The following BIRC6 variants were observed in gnomAD, a reference collection of about 807,000 sequenced individuals.
BIRC6 encodes baculoviral IAP repeat containing 6.
A neutral mutation model predicts 503.3 loss-of-function variants in BIRC6; 98 were observed. The observed-to-expected ratio is 0.19, with a 90% confidence interval of 0.17 to 0.23. The LOEUF (loss-of-function observed/expected upper bound fraction) is 0.23. Ranked by LOEUF, BIRC6 falls within the 10% of genes least tolerant of loss-of-function variation. The pLI, the probability that BIRC6 is intolerant of heterozygous loss-of-function variation, is 1.00. For synonymous variants in BIRC6, 2,240 were observed against 2,078.7 expected (o/e 1.08, Z -2.11); for missense variants, 5,360 against 5,806.0 (o/e 0.92, Z 2.50).
At chr2:32,571,117 A>G (rs2059886215) in intron 65 of BIRC6, among the ~76,000 whole-genome samples, 1 of 151,818 alleles carries the variant, frequency 6.6e-6, no homozygotes, top group Non-Finnish European at 1.5e-5. Flanking sequence ...TTATTGTATT[A>G]TCTTTTTGAT....
chr2:32,473,010 G>T, intron 32 of BIRC6, 102 bp from the exon 33 acceptor site: 1 of 970,446 alleles, frequency 1.0e-6, no homozygotes, highest in South Asian at 1.8e-5. Flanking sequence ...TGCTTTTCAT[G>T]ATTGACACAT....
chr2:32,444,031 G>GTTTTTTTTTTT lies in BIRC6; in HGVS notation c.4336+451_4336+461dup, dbSNP rs776568064. Among the ~76,000 whole-genome samples the GTTTTTTTTTTT allele has an allele frequency of 2.5e-3, 343 of 136,832 alleles. 1 individual carries two copies. Among genetic ancestry groups the GTTTTTTTTTTT allele is most frequent in the Non-Finnish European group, 4.2e-3 (268 of 63,220 alleles). The allele number at this position is 136,832 out of a possible 152,430, so 89.8% of individuals were successfully genotyped here. ...TGGAATTTCCTAAAAGGGACCAGTG[G>GTTTTTTTTTTT]TTTTTTTTTTTTTTTTTTAAAGCAC... On this transcript the variant is annotated intron_variant, in intron 20 of 73. Transcript: ENST00000421745.
chr2:32,582,890 G>C (rs1474197700), intron 66 of BIRC6, among the ~76,000 whole-genome samples: 1 of 152,112 alleles, frequency 6.6e-6, no homozygotes, highest in Admixed American at 6.5e-5. Flanking sequence ...ATATAGTAAT[G>C]TATCAGGTAC....
chr2:32,591,577 T>G (rs952628205), intron 66 of BIRC6, among the ~76,000 whole-genome samples: 2 of 152,210 alleles, frequency 1.3e-5, no homozygotes, highest in Non-Finnish European at 2.9e-5. Flanking sequence ...CTAAAGATTC[T>G]TGTTTCATCA....
rs2061260812 is a variant in BIRC6, at chr2:32,589,308, AATGG to A, written c.13356-4605_13356-4602del. ...CCTAGCTATCTCAAAGTTTCTTCCT[AATGG>A]AAAGTTGTTCATCATAGTTTTAAAT... On this transcript the variant is annotated intron_variant, in intron 66 of 73. Coordinates refer to ENST00000421745, the MANE Select transcript of BIRC6 (RefSeq NM_016252.4). 7.2e-5 allele frequency among the ~76,000 whole-genome samples: 11 copies of A among 152,304 alleles called. 1 individual carries two copies. In the South Asian group the frequency reaches 2.3e-3, roughly 32 times the overall value.
intron 10 of BIRC6, among the ~76,000 whole-genome samples, chr2:32,424,081 A>G (rs1320102776): frequency 6.6e-6 from 1 of 152,214 alleles, no homozygotes; most frequent in South Asian, 2.1e-4. Context: ...TGACTTGGAA[A>G]GAAAAATATT....
chr2:32,612,337 T>C (rs1262214703), intron 73 of BIRC6, among the ~76,000 whole-genome samples: 1 of 152,188 alleles, frequency 6.6e-6, no homozygotes, highest in East Asian at 1.9e-4. Context: ...GTTCATAGAA[T>C]GGAAATGTGA....
Position 32,473,259 on chromosome 2 carries a change from A to T in BIRC6, c.6720+20A>T, listed in dbSNP as rs1329242594. On this transcript the variant is annotated intron_variant, in intron 33 of 73. Coordinates refer to ENST00000421745, the MANE Select transcript of BIRC6 (RefSeq NM_016252.4). ...AAACAGGTAATTGTCAATATATTTAAAAATTTTTAATGTTTGAGAATATTG... is the reference window on the plus strand; with the variant it reads ...AAACAGGTAATTGTCAATATATTTATAAATTTTTAATGTTTGAGAATATTG... 6.6e-7 allele frequency: 1 copy of T among 1,504,058 alleles called. No homozygotes were observed. The highest frequency in any genetic ancestry group is 8.9e-7 in the Non-Finnish European group (1 of 1,121,510). The allele number at this position is 1,504,058 out of a possible 1,614,324, so 93.2% of individuals were successfully genotyped here. A position where few individuals can be genotyped will look rare whatever the true frequency, so the allele number is the denominator to read the frequency against.
In BIRC6 at chr2:32,515,784, AT is replaced by A. The variant is rs766156100; in HGVS notation, c.11349+15del. 2.4e-5 allele frequency: 38 copies of A among 1,575,806 alleles called. No homozygotes were observed. Among genetic ancestry groups the A allele is most frequent in the Middle Eastern group, 1.7e-4 (1 of 5,936 alleles). On this transcript the variant is annotated intron_variant, in intron 55 of 73. Coordinates refer to ENST00000421745, the MANE Select transcript of BIRC6 (RefSeq NM_016252.4). Reference sequence around the variant, plus strand: ...CTGATGGCACAGGTAAGACAAAAAAATAACTTACATTTTAGTTGTTTTATTA... The same window carrying A: ...CTGATGGCACAGGTAAGACAAAAAAAAACTTACATTTTAGTTGTTTTATTA...
At chr2:32,522,829 A>G (rs1466077408) in intron 57 of BIRC6, 1 of 152,108 alleles carries the variant, frequency 6.6e-6, no homozygotes, top group East Asian at 1.9e-4. Context: ...AGTCTTGAAG[A>G]CCCTGTATAG....
Position 32,401,511 on chromosome 2 carries a change from C to A in BIRC6, c.1306C>A (p.Gln436Lys). ...INAYDPAIVQ[Q>K]LILSGDPSSG... ...TGCCTATGATCCAGCAATTGTACAA[C>A]AGCTTATTCTATCAGGAGACCCAAG... Residue 436 changes from glutamine to lysine, a missense_variant, in exon 8 of 74, where the codon CAG (glutamine) becomes AAG (lysine). This residue lies in a region of BIRC6 where 700 missense variants were observed against 739.3 expected (regional missense o/e 0.95). Coordinates refer to ENST00000421745, the MANE Select transcript of BIRC6 (RefSeq NM_016252.4). 6.2e-7 allele frequency: 1 copy of A among 1,613,954 alleles called. No individual in the cohort carries two copies. Among genetic ancestry groups the A allele is most frequent in the Non-Finnish European group, 8.5e-7 (1 of 1,179,876 alleles).
chr2:32,392,211 T>A, intron 5 of BIRC6, 61 bp downstream of exon 5: 1 of 1,175,128 alleles, frequency 8.5e-7, no homozygotes. Flanking sequence ...TCAGCAAAAT[T>A]ATCACATTTT....
chr2:32,568,982 C>CTTT lies in BIRC6; in HGVS notation c.13145-6173_13145-6172insTTT, dbSNP rs199909930. Among the ~76,000 whole-genome samples the CTTT allele has an allele frequency of 3.7e-4, 48 of 131,338 alleles. 11 individuals are homozygous for CTTT. Among genetic ancestry groups the CTTT allele is most frequent in the African/African-American group, 3.1e-4 (11 of 35,078 alleles). The allele number at this position is 131,338 out of a possible 152,430, so 86.2% of individuals were successfully genotyped here. On this transcript the variant is annotated intron_variant, in intron 65 of 73. Coordinates refer to ENST00000421745, the MANE Select transcript of BIRC6 (RefSeq NM_016252.4). Reference sequence around the variant, plus strand: ...TTTTGGAGGAGTCTCCCATGTCTCTCTCTTTTTTTTTTTTTTTTTGAGATG... The same window carrying CTTT: ...TTTTGGAGGAGTCTCCCATGTCTCTCTTTTCTTTTTTTTTTTTTTTTTGAGATG...
chr2:32,550,296 G>C (rs1185284699), intron 65 of BIRC6, among the ~76,000 whole-genome samples: 2 of 152,192 alleles, frequency 1.3e-5, no homozygotes, highest in Non-Finnish European at 2.9e-5. Context: ...GTTGGTAGCA[G>C]CTAAGTGACA....
At chr2:32,492,333 A>G (rs148967152) in intron 44 of BIRC6, among the ~76,000 whole-genome samples, 2 of 152,198 alleles carry the variant, frequency 1.3e-5, no homozygotes, top group Non-Finnish European at 2.9e-5. Context: ...CTGCCTTCAT[A>G]GAGCTTTAGT....
At position 32,515,617 on chromosome 2, in the gene BIRC6, T is replaced by A; in HGVS notation, c.11196T>A (p.Gly3732=). 1 of 1,613,548 alleles carries A rather than the reference T, an allele frequency of 6.2e-7. No individual in the cohort carries two copies. Among genetic ancestry groups the A allele is most frequent in the Non-Finnish European group, 8.5e-7 (1 of 1,179,876 alleles). Residue 3732 remains glycine, a synonymous_variant, in exon 55 of 74, where the codon GGT becomes GGA. Transcript: ENST00000421745. ...SGSTSGSHNL[G]AQQTSARSAS... Reference sequence around the variant, plus strand: ...CCACTTCTGGAAGCCATAATTTAGGTGCACAACAGACCAGTGCAAGATCAG... The same window carrying A: ...CCACTTCTGGAAGCCATAATTTAGGAGCACAACAGACCAGTGCAAGATCAG...
rs2049755277 is a variant in BIRC6 at position 32,476,323 on chromosome 2, A to G, written c.6831A>G (p.Lys2277=). The change falls in exon 34 of 74, where the codon AAA becomes AAG. Residue 2277 remains lysine (K), a synonymous_variant. Coordinates refer to ENST00000421745, the MANE Select transcript of BIRC6 (RefSeq NM_016252.4). ...SSYKLLVEQA[K]LKQATSKHFK... Reference sequence around the variant, plus strand: ...ATAAACTCCTGGTAGAACAAGCAAAACTAAAGCAGGCCACTTCAAAGGTAT... The same window carrying G: ...ATAAACTCCTGGTAGAACAAGCAAAGCTAAAGCAGGCCACTTCAAAGGTAT... The G allele has an allele frequency of 1.3e-6, 2 of 1,578,142 alleles. No homozygotes were observed. Among genetic ancestry groups the G allele is most frequent in the East Asian group, 2.3e-5 (1 of 43,640 alleles).
In BIRC6 at chr2:32,593,984, T is replaced by C; in HGVS notation, c.13425T>C (p.Thr4475=). 1 of 1,613,738 alleles carries C rather than the reference T, an allele frequency of 6.2e-7. No individual in the cohort carries two copies. Among genetic ancestry groups the C allele is most frequent in the Non-Finnish European group, 8.5e-7 (1 of 1,179,690 alleles). The part of the protein sequence containing the change: ...DASDQEPEGL[T]LLVPDIQKTA... Reference sequence around the variant, plus strand: ...CTGATCAAGAACCAGAAGGACTTACTCTTTTGGTACCAGACATCCAAAAGA... The same window carrying C: ...CTGATCAAGAACCAGAAGGACTTACCCTTTTGGTACCAGACATCCAAAAGA... Residue 4475 remains threonine (T), a synonymous_variant, in exon 67 of 74, where the codon ACT becomes ACC. Coordinates refer to ENST00000421745, the MANE Select transcript of BIRC6 (RefSeq NM_016252.4).
intron 68 of BIRC6, among the ~76,000 whole-genome samples, chr2:32,596,271 G>A (rs1253818746): frequency 2.0e-5 from 3 of 151,838 alleles, no homozygotes; most frequent in South Asian, 2.1e-4. Context: ...CACGAGGTCG[G>A]GAGTTTGAGA....
Sources: allele counts gnomAD v4.1 joint callset (sites outside exome capture counted in the v4.1 genomes callset), GRCh38; gene constraint gnomAD v4.1.1; regional missense constraint gnomAD v4.1.1; transcripts MANE v1.5; gene names NCBI Gene and HGNC (gene_info 2026-07-23, HGNC 2026-07-21).